ACAD11: variants seen among roughly 807,000 people sequenced by gnomAD.
ACAD11 encodes the protein acyl-Coenzyme A dehydrogenase family, member 11.
ACAD11 carries 83 observed loss-of-function variants against 102.2 expected under a neutral mutation model. That is an observed-to-expected ratio of 0.81 (90% CI 0.68 to 0.97). The LOEUF (loss-of-function observed/expected upper bound fraction) is 0.97. Ranked by LOEUF, ACAD11 falls within the 50% of genes least tolerant of loss-of-function variation. The probability of loss-of-function intolerance (pLI) is 0.00; values close to 1 mark genes in which losing one functional copy is unlikely to be tolerated. For missense variants in ACAD11, 901 were observed against 951.7 expected (o/e 0.95, Z 0.70); for synonymous variants, 324 against 319.8 (o/e 1.01, Z -0.14).
chr3:132,561,110 A>T lies in ACAD11; in HGVS notation c.2109T>A (p.Ala703=). Residue 703 remains alanine, a synonymous_variant, in exon 18 of 20, where the codon GCT becomes GCA. Transcript: ENST00000264990. ...GAGAAGGTAGCCTCACCTCTTTCTTAGCGCCAGCACTGCCCAGAGTGTCCA... is the reference window on the plus strand; with the variant it reads ...GAGAAGGTAGCCTCACCTCTTTCTTTGCGCCAGCACTGCCCAGAGTGTCCA... ...HSMDTLGSAG[A]KKEIAMIKVA... The T allele has an allele frequency of 6.2e-7, 1 of 1,612,642 alleles. No homozygotes were observed. The highest frequency in any genetic ancestry group is 8.5e-7 in the Non-Finnish European group (1 of 1,179,030).
Position 132,603,472 on chromosome 3 carries a change from C to T in ACAD11, c.1523-145G>A, listed in dbSNP as rs796827032. ...CATTCCACCCTGCTTTTCCCATAACCTACACACAGTATTCAATAAACGTGC... is the reference window on the plus strand; with the variant it reads ...CATTCCACCCTGCTTTTCCCATAACTTACACACAGTATTCAATAAACGTGC... On this transcript the variant is annotated intron_variant, in intron 12 of 19. Transcript: ENST00000264990. 83 of 646,650 alleles carry T rather than the reference C, an allele frequency of 1.3e-4. 2 individuals are homozygous for T. The highest frequency in any genetic ancestry group is 9.3e-4 in the South Asian group (50 of 53,694). 40.1% of individuals were successfully genotyped at this position (646,650 alleles called of 1,614,324 possible).
chr3:132,574,189 CT>C (rs1158983610), intron 17 of ACAD11, among the ~76,000 whole-genome samples: 1 of 152,224 alleles, frequency 6.6e-6, no homozygotes, highest in Non-Finnish European at 1.5e-5. Context: ...TGTTTGTCGA[CT>C]TTACTGTGTC....
At chr3:132,611,491 A>G (rs1313368934) in intron 11 of ACAD11, among the ~76,000 whole-genome samples, 1 of 152,204 alleles carries the variant, frequency 6.6e-6, no homozygotes, top group Non-Finnish European at 1.5e-5. Flanking sequence ...TCTCAGCCCA[A>G]AATCTCCTTA....
At chr3:132,600,595 T>C (rs1178669228) in intron 13 of ACAD11, 9 of 1,613,830 alleles carry the variant, frequency 5.6e-6, no homozygotes, top group Non-Finnish European at 7.6e-6. Flanking sequence ...TGGCAATTTA[T>C]GCCTATTACA....
At chr3:132,566,104 C>A (rs947508337) in intron 17 of ACAD11, among the ~76,000 whole-genome samples, 1 of 151,614 alleles carries the variant, frequency 6.6e-6, no homozygotes, top group Non-Finnish European at 1.5e-5. Flanking sequence ...AATAGAAAGC[C>A]TCAGCAAAGA....
chr3:132,596,884 G>T (rs1306169343), intron 13 of ACAD11, among the ~76,000 whole-genome samples: 1 of 152,118 alleles, frequency 6.6e-6, no homozygotes, highest in Non-Finnish European at 1.5e-5. Flanking sequence ...TCTTCAAAAA[G>T]ATATTTTCCT....
intron 17 of ACAD11, among the ~76,000 whole-genome samples, chr3:132,569,631 C>T (rs955487918): frequency 3.3e-5 from 5 of 152,056 alleles, no homozygotes; most frequent in Admixed American, 1.3e-4. Context: ...AGGAATACTA[C>T]TGAACAATAA....
intron 13 of ACAD11, among the ~76,000 whole-genome samples, chr3:132,593,400 G>A (rs981955416): frequency 8.5e-5 from 13 of 152,080 alleles, no homozygotes; most frequent in African/African-American, 3.1e-4. Flanking sequence ...TCAAATAAAC[G>A]TGGAGTACAG....
chr3:132,575,178 T>G (rs934932306), intron 17 of ACAD11, among the ~76,000 whole-genome samples: 1 of 152,128 alleles, frequency 6.6e-6, no homozygotes, highest in Admixed American at 6.5e-5. Flanking sequence ...ATGGGCCACA[T>G]GTAACTATGT....
intron 13 of ACAD11, among the ~76,000 whole-genome samples, chr3:132,590,475 C>T (rs146389472): frequency 0.027 from 4,121 of 152,036 alleles, 162 homozygotes; most frequent in African/African-American, 0.092. Context: ...TCAAACTCCT[C>T]GCCTCAAGTG....
At chr3:132,622,989 T>C (rs1378091320) in intron 9 of ACAD11, among the ~76,000 whole-genome samples, 1 of 152,252 alleles carries the variant, frequency 6.6e-6, no homozygotes, top group Non-Finnish European at 1.5e-5. Context: ...CACTGTGTTA[T>C]GTTGCTAGTT....
intron 15 of ACAD11, 193 bp downstream of exon 15, chr3:132,578,603 A>G (rs926320953): frequency 6.0e-5 from 14 of 232,090 alleles, no homozygotes; most frequent in South Asian, 1.5e-4. Flanking sequence ...ATTATAAATT[A>G]CATAAATGCT....
At chr3:132,645,481 A>G (rs1166884984) in intron 1 of ACAD11, among the ~76,000 whole-genome samples, 1 of 152,220 alleles carries the variant, frequency 6.6e-6, no homozygotes, top group Non-Finnish European at 1.5e-5. Context: ...TCCCTGCCAG[A>G]TGAACAGAAA....
intron 11 of ACAD11, among the ~76,000 whole-genome samples, chr3:132,610,957 T>C (rs1291228722): frequency 9.9e-5 from 15 of 152,064 alleles, no homozygotes; most frequent in Non-Finnish European, 1.5e-5. Flanking sequence ...TGATTAACAT[T>C]GATGCAAAAA....
chr3:132,626,622 A>G, intron 9 of ACAD11, 69 bp downstream of exon 9: 1 of 1,571,628 alleles, frequency 6.4e-7, no homozygotes, highest in Non-Finnish European at 8.7e-7. Context: ...TTCTCCTATA[A>G]GCAGAAATAA....
intron 13 of ACAD11, among the ~76,000 whole-genome samples, chr3:132,593,876 G>A (rs764360329): frequency 6.6e-6 from 1 of 152,188 alleles, no homozygotes; most frequent in East Asian, 1.9e-4. Context: ...TAAGGAATAT[G>A]AGAAGTAGAA....
chr3:132,641,904 T>A, intron 4 of ACAD11, 68 bp downstream of exon 4: 1 of 1,388,644 alleles, frequency 7.2e-7, no homozygotes, highest in Non-Finnish European at 9.6e-7. Flanking sequence ...ATAGCTTTTT[T>A]TGTTGACTAA....
chr3:132,591,216 T>C (rs1234645647), intron 13 of ACAD11, among the ~76,000 whole-genome samples: 1 of 152,204 alleles, frequency 6.6e-6, no homozygotes, highest in Non-Finnish European at 1.5e-5. Context: ...TTCAATCTTC[T>C]GCATATGGCT....
intron 9 of ACAD11, among the ~76,000 whole-genome samples, chr3:132,624,069 C>A (rs2107855222): frequency 6.6e-6 from 1 of 150,952 alleles, no homozygotes; most frequent in Admixed American, 6.6e-5. Flanking sequence ...AATCCCAGCG[C>A]TCTGGGAGGC....
Sources: gnomAD v4.1 joint callset for allele counts (sites outside exome capture counted in the v4.1 genomes callset) on GRCh38, gnomAD v4.1.1 for gene constraint, MANE v1.5 for transcripts, NCBI Gene and HGNC (gene_info 2026-07-23, HGNC 2026-07-21) for gene names.